MASP1: variants seen among roughly 807,000 people sequenced by gnomAD.
MASP1 encodes the protein mannan-binding lectin serine protease 1.
MASP1 carries 59 observed loss-of-function variants against 77.1 expected under a neutral mutation model. That is an observed-to-expected ratio of 0.77 (90% confidence interval 0.62 to 0.95). The LOEUF (loss-of-function observed/expected upper bound fraction) is 0.95, where lower values mean the gene tolerates loss of function less well. MASP1 is among the 40% of genes least tolerant of loss of function. MASP1 has a pLI of 0.00. For synonymous variants in MASP1, 362 were observed against 354.5 expected (o/e 1.02, Z -0.24); for missense variants, 885 against 912.9 (o/e 0.97, Z 0.39).
At chr3:187,254,993 A>G (rs1445547891) in intron 5 of MASP1, among the ~76,000 whole-genome samples, 2 of 152,136 alleles carry the variant, frequency 1.3e-5, no homozygotes, top group African/African-American at 4.8e-5. Context: ...CTGGGACACC[A>G]TGGCAGGCAG....
intron 2 of MASP1, among the ~76,000 whole-genome samples, chr3:187,275,202 C>A (rs710473): frequency 6.6e-6 from 1 of 152,006 alleles, no homozygotes. Context: ...TGTTCTTCTG[C>A]GGCAGAAGCT....
At chr3:187,280,324 T>C (rs768524017) in intron 2 of MASP1, among the ~76,000 whole-genome samples, 7 of 152,196 alleles carry the variant, frequency 4.6e-5, no homozygotes, top group Non-Finnish European at 8.8e-5. Context: ...ATGTCACAGA[T>C]GCTATTAAAA....
exon 16 of MASP1, chr3:187,220,235 A>G: frequency 1.2e-6 from 2 of 1,614,164 alleles, no homozygotes; most frequent in Admixed American, 1.7e-5. Context: ...GGGCCTCCAG[A>G]GTCACCCGCA....
chr3:187,236,083 G>A lies in MASP1; in HGVS notation c.1788C>T (p.Ser596=). 6.2e-7 allele frequency: 1 copy of A among 1,614,060 alleles called. No individual in the cohort carries two copies. The highest frequency in any genetic ancestry group is 1.1e-5 in the South Asian group (1 of 91,086). Residue 596 remains serine, a synonymous_variant, in exon 11 of 11, where the codon TCC becomes TCT. Coordinates refer to ENST00000296280, the MANE Select transcript of MASP1 (RefSeq NM_139125.4). ...MLGLVAGWGI[S]NPNVTVDEII... ...TCTCATCCACTGTCACATTGGGATT[G>A]GAGATGCCCCAGCCGGCCACCAGGC...
intron 5 of MASP1, among the ~76,000 whole-genome samples, chr3:187,255,805 G>A (rs1457164461): frequency 6.6e-6 from 1 of 151,544 alleles, no homozygotes; most frequent in African/African-American, 2.4e-5. Flanking sequence ...CTCCATCTAG[G>A]TCTCATAATC....
At chr3:187,259,000 TATTG>T (rs1252719794) in intron 4 of MASP1, among the ~76,000 whole-genome samples, 15 of 152,214 alleles carry the variant, frequency 9.9e-5, no homozygotes, top group Non-Finnish European at 2.2e-4. Flanking sequence ...CAGCTCCCTA[TATTG>T]ATTTTCTTGC....
Position 187,274,194 on chromosome 3 carries a change from C to T in MASP1, c.238-11474G>A, listed in dbSNP as rs543306883. 2.0e-4 allele frequency among the ~76,000 whole-genome samples: 30 copies of T among 150,106 alleles called. 1 individual carries two copies. The East Asian group carries it at 4.5e-3, about 23-fold the overall frequency. ...TTGCACTCCAGCCTGGGTGACAGAG[C>T]GAGACTCCATAAAAAAAAAAAAAGT... On this transcript the variant is annotated intron_variant, in intron 2 of 10. Coordinates refer to ENST00000296280, the MANE Select transcript of MASP1 (RefSeq NM_139125.4).
chr3:187,249,540 G>A (rs1332430722), intron 8 of MASP1, among the ~76,000 whole-genome samples: 1 of 152,218 alleles, frequency 6.6e-6, no homozygotes, highest in Admixed American at 6.5e-5. Flanking sequence ...GTTGCAGGGG[G>A]TGGTGGTGAG....
chr3:187,223,079 G>A, intron 14 of MASP1: 1 of 1,502,384 alleles, frequency 6.7e-7, no homozygotes, highest in Non-Finnish European at 9.3e-7. Context: ...GGAAGGCCCA[G>A]TGCAGAGCTG....
At chr3:187,290,070 T>C (rs1002223197) in intron 1 of MASP1, among the ~76,000 whole-genome samples, 1 of 152,222 alleles carries the variant, frequency 6.6e-6, no homozygotes, top group African/African-American at 2.4e-5. Context: ...ATAGACATTA[T>C]GCTAGGTGCT....
At chr3:187,224,235 C>T (rs1169188882) in intron 13 of MASP1, among the ~76,000 whole-genome samples, 1 of 152,044 alleles carries the variant, frequency 6.6e-6, no homozygotes, top group African/African-American at 2.4e-5. Flanking sequence ...GGGATAGCAT[C>T]TCCAGTTTAG....
At chr3:187,275,287 G>C (rs1452933100) in intron 2 of MASP1, among the ~76,000 whole-genome samples, 1 of 152,194 alleles carries the variant, frequency 6.6e-6, no homozygotes, top group Admixed American at 6.5e-5. Context: ...GGACAGAAGG[G>C]GCCGCCTTGG....
intron 10 of MASP1, among the ~76,000 whole-genome samples, chr3:187,236,868 A>T (rs545027513): frequency 1.3e-5 from 2 of 152,104 alleles, no homozygotes; most frequent in East Asian, 3.9e-4. Flanking sequence ...ACCACTTGTG[A>T]CCCAGACCAT....
chr3:187,261,096 C>T (rs953882400), intron 3 of MASP1, among the ~76,000 whole-genome samples: 3 of 152,162 alleles, frequency 2.0e-5, no homozygotes, highest in Non-Finnish European at 2.9e-5. Context: ...CACAAAAAGC[C>T]AAGTTCAAAC....
intron 10 of MASP1, among the ~76,000 whole-genome samples, chr3:187,241,181 T>C (rs1015524399): frequency 2.6e-5 from 4 of 152,116 alleles, no homozygotes; most frequent in African/African-American, 9.7e-5. Context: ...ACTTTTTAAA[T>C]TTCCCCGGCA....
At chr3:187,239,416 C>A (rs150642618) in intron 10 of MASP1, among the ~76,000 whole-genome samples, 1 of 152,100 alleles carries the variant, frequency 6.6e-6, no homozygotes, top group South Asian at 2.1e-4. Context: ...GGTATGGGAT[C>A]CCAGACCCAG....
At chr3:187,281,255 G>A (rs1176548523) in intron 2 of MASP1, among the ~76,000 whole-genome samples, 1 of 152,232 alleles carries the variant, frequency 6.6e-6, no homozygotes. Context: ...GTGAGCATCC[G>A]GACCACAGAC....
chr3:187,272,065 T>G (rs1716571025), intron 2 of MASP1, among the ~76,000 whole-genome samples: 3 of 149,584 alleles, frequency 2.0e-5, no homozygotes, highest in Non-Finnish European at 4.4e-5. Flanking sequence ...TTTTTGTGAC[T>G]GTGAAGTCCA....
downstream of MASP1, among the ~76,000 whole-genome samples, chr3:187,231,173 C>G (rs1305728384): frequency 2.0e-5 from 3 of 152,234 alleles, no homozygotes; most frequent in African/African-American, 4.8e-5. Flanking sequence ...ATCTCTTCTT[C>G]CTATAAACTT....
Sources: gnomAD v4.1 joint callset for allele counts (sites outside exome capture counted in the v4.1 genomes callset) on GRCh38, gnomAD v4.1.1 for gene constraint, MANE v1.5 for transcripts, NCBI Gene and HGNC (gene_info 2026-07-23, HGNC 2026-07-21) for gene names.